MICALL2: variants seen among roughly 807,000 people sequenced by gnomAD.
The protein encoded by MICALL2 is MICAL-like protein 2.
A neutral mutation model predicts 91.1 loss-of-function variants in MICALL2; 111 were observed. The ratio of observed to expected loss-of-function variants is 1.22; its 90% CI spans 1.04 to 1.43. MICALL2 has a LOEUF of 1.43. MICALL2 is among the 40% of genes most tolerant of loss of function. MICALL2 has a pLI of 0.00. For synonymous variants in MICALL2, 694 were observed against 525.3 expected, an observed-to-expected ratio of 1.32 and a Z score of -4.39; for missense variants, 1,556 against 1,236.0, an observed-to-expected ratio of 1.26 and a Z score of -3.88.
At chr7:1,454,176 G>A (rs983711214) in intron 1 of MICALL2, among the ~76,000 whole-genome samples, 70 of 142,638 alleles carry the variant, frequency 4.9e-4, no homozygotes, top group African/African-American at 1.7e-3. Flanking sequence ...TGGGGAGGGC[G>A]GGGGGGTGCA....
chr7:1,456,434 A>G (rs914844128), intron 1 of MICALL2, among the ~76,000 whole-genome samples: 1 of 151,402 alleles, frequency 6.6e-6, no homozygotes, highest in East Asian at 1.9e-4. Context: ...AAAAATATGA[A>G]AATCGGCTGG....
intron 2 of MICALL2, 62 bp from the exon 3 acceptor site, chr7:1,448,823 G>A (rs990351944): frequency 1.3e-5 from 20 of 1,586,084 alleles, no homozygotes; most frequent in African/African-American, 8.1e-5. Flanking sequence ...CCACCAGGCC[G>A]CAGCTCACCT....
intron 6 of MICALL2, among the ~76,000 whole-genome samples, 168 bp from the exon 7 acceptor site, chr7:1,442,652 G>A (rs1355459021): frequency 2.0e-5 from 3 of 146,370 alleles, no homozygotes; most frequent in Admixed American, 1.4e-4. Context: ...ATTGCGCCAG[G>A]CCACCCCTCC....
At chr7:1,439,899 G>C in intron 9 of MICALL2, 26 bp downstream of exon 9, 1 of 1,408,844 alleles carries the variant, frequency 7.1e-7, no homozygotes, top group Non-Finnish European at 9.2e-7. Flanking sequence ...GCAACCCGGG[G>C]GCCCCTGGGT....
At chr7:1,436,552 A>C (rs1487676536) in intron 15 of MICALL2, among the ~76,000 whole-genome samples, 190 bp downstream of exon 15, 1 of 88,750 alleles carries the variant, frequency 1.1e-5, no homozygotes, top group African/African-American at 6.9e-5. Flanking sequence ...ACTCTGTCTC[A>C]AAAAAAAAAA....
chr7:1,443,602 A>T (rs1206632236), intron 6 of MICALL2, among the ~76,000 whole-genome samples: 1 of 152,226 alleles, frequency 6.6e-6, no homozygotes, highest in African/African-American at 2.4e-5. Flanking sequence ...ACCCTAGTCC[A>T]ACAACCATGT....
chr7:1,435,155 G>C lies in MICALL2; in HGVS notation c.2592-8C>G. ...TGATCCTCCTCTTGTTCCCTGAAAC[G>C]GGACCAGATGGCCATGAGCGACAAT... On this transcript the variant is annotated splice_polypyrimidine_tract_variant and splice_region_variant and intron_variant, in intron 15 of 16. Transcript: ENST00000297508. 6.2e-7 allele frequency: 1 copy of C among 1,613,404 alleles called. No homozygotes were observed. Among genetic ancestry groups the C allele is most frequent in the Non-Finnish European group, 8.5e-7 (1 of 1,179,926 alleles).
intron 2 of MICALL2, 91 bp downstream of exon 2, chr7:1,450,149 G>C: frequency 1.0e-6 from 1 of 982,184 alleles, no homozygotes; most frequent in East Asian, 2.4e-5. Context: ...GCAGGTGCAG[G>C]GCCTGGGGGG....
At position 1,440,045 on chromosome 7, in the gene MICALL2, T is replaced by A; in HGVS notation, c.1846A>T (p.Arg616Trp). 1 of 1,583,834 alleles carries A rather than the reference T, an allele frequency of 6.3e-7. No homozygotes were observed. The highest frequency in any genetic ancestry group is 1.2e-5 in the South Asian group (1 of 86,586). ...ACCTTCCTGGGGGCCTCCCCCGCCC[T>A]CGGCTCTGCCAGGGCCCGTGGTTCC... is the stretch of plus-strand genomic sequence containing the variant. ...PKEPRALAEP[R>W]AGEAPRKVSG... Residue 616 changes from arginine (R) to tryptophan (W), a missense_variant, in exon 9 of 17, where the codon AGG becomes TGG. Transcript: ENST00000297508.
Position 1,444,642 on chromosome 7 carries a change from A to G in MICALL2, c.1418+10T>C, listed in dbSNP as rs761821735. The G allele has an allele frequency of 4.4e-6, 7 of 1,605,704 alleles. No individual in the cohort carries two copies. The highest frequency in any genetic ancestry group is 5.9e-6 in the Non-Finnish European group (7 of 1,178,898). Reference sequence around the variant, plus strand: ...CCATACCCGGGGTCCCTCGGTCCCCACGCGCTCACCTGCCAGGCGCCGGAG... The same window carrying G: ...CCATACCCGGGGTCCCTCGGTCCCCGCGCGCTCACCTGCCAGGCGCCGGAG... On this transcript the variant is annotated intron_variant, in intron 6 of 16. Transcript: ENST00000297508.
chr7:1,438,689 C>A, intron 10 of MICALL2, 151 bp downstream of exon 10: 2 of 1,466,770 alleles, frequency 1.4e-6, no homozygotes, highest in South Asian at 2.8e-5. Flanking sequence ...TGAGGGCGGG[C>A]CTGGGGCACG....
At chr7:1,440,536 T>C (rs1374916649) in intron 8 of MICALL2, 55 bp downstream of exon 8, 3 of 1,469,044 alleles carry the variant, frequency 2.0e-6, no homozygotes, top group African/African-American at 2.8e-5. Context: ...ACTCACTGCA[T>C]TTATTAAGCA....
intron 15 of MICALL2, among the ~76,000 whole-genome samples, chr7:1,436,382 C>CA (rs1256308553): frequency 3.1e-4 from 34 of 109,476 alleles, no homozygotes; most frequent in Non-Finnish European, 2.1e-4. Flanking sequence ...AACTTCGTCT[C>CA]AAAAAAAACA....
At chr7:1,439,569 G>A (rs112068143) in intron 9 of MICALL2, 21,982 of 232,438 alleles carry the variant, frequency 0.095, 1,400 homozygotes, top group African/African-American at 0.18. Flanking sequence ...TGCATCACAC[G>A]CATGAACACT....
intron 1 of MICALL2, among the ~76,000 whole-genome samples, chr7:1,457,206 T>C (rs533029942): frequency 2.6e-5 from 4 of 152,214 alleles, no homozygotes; most frequent in Non-Finnish European, 5.9e-5. Context: ...GAACCCCAAC[T>C]GAAAGGCCCT....
Position 1,438,544 on chromosome 7 carries a change from C to CCACCCTG in MICALL2, c.2123-198_2123-192dup, listed in dbSNP as rs900784143. The CCACCCTG allele has an allele frequency of 3.5e-6, 5 of 1,428,908 alleles. No homozygotes were observed. In the African/African-American group the frequency reaches 4.3e-5, roughly 12 times the overall value. 88.5% of individuals were successfully genotyped at this position (1,428,908 alleles called of 1,614,324 possible). Reference sequence around the variant, plus strand: ...ACCTGAGTGGCCTCCAGGCCCAGCCCCACCCTGCACCCTGCCCTCCTCCAG... The same window carrying CCACCCTG: ...ACCTGAGTGGCCTCCAGGCCCAGCCCCACCCTGCACCCTGCACCCTGCCCTCCTCCAG... On this transcript the variant is annotated intron_variant, in intron 10 of 16. Transcript: ENST00000297508.
Position 1,434,444 on chromosome 7 carries a change from G to A in MICALL2, c.*152C>T, listed in dbSNP as rs1262308649. 1 of 723,562 alleles carries A rather than the reference G, an allele frequency of 1.4e-6. No individual in the cohort carries two copies. Among genetic ancestry groups the A allele is most frequent in the East Asian group, 2.7e-5 (1 of 37,268 alleles). The allele number at this position is 723,562 out of a possible 1,614,324, so 44.8% of individuals were successfully genotyped here. A position where few individuals can be genotyped will look rare whatever the true frequency, so the allele number is the denominator to read the frequency against. On this transcript the variant is annotated 3_prime_UTR_variant, in exon 17 of 17. Transcript: ENST00000297508. ...GTCCACATGCCCCTTGTAGGGACAG[G>A]AGGCCCTTCCCGAGTCCAAGTCCGA...
rs375719394 is a variant in MICALL2, at chr7:1,445,399, G to A, written c.671C>T (p.Ser224Leu). 39 of 1,564,774 alleles carry A rather than the reference G, an allele frequency of 2.5e-5. No homozygotes were observed. The highest frequency in any genetic ancestry group is 6.7e-5 in the African/African-American group (5 of 74,182). Residue 224 changes from serine (S) to leucine (L), a missense_variant, in exon 6 of 17, where the codon TCG becomes TTG. Coordinates refer to ENST00000297508, the MANE Select transcript of MICALL2 (RefSeq NM_182924.4). Reference sequence around the variant, plus strand: ...CTCTCCTGTGGCCTTGTAGGCCCCCGAGTGCAGCGTGCAGGAGCACTGCTT... The same window carrying A: ...CTCTCCTGTGGCCTTGTAGGCCCCCAAGTGCAGCGTGCAGGAGCACTGCTT... ...RCKQCSCTLHSGAYKATGEPG... is the reference protein window; with the variant it reads ...RCKQCSCTLHLGAYKATGEPG...
intron 1 of MICALL2, among the ~76,000 whole-genome samples, chr7:1,453,396 G>C (rs1000529572): frequency 6.6e-6 from 1 of 152,132 alleles, no homozygotes; most frequent in Non-Finnish European, 1.5e-5. Flanking sequence ...CCACCCCAGA[G>C]CCAAGGAGAG....
Sources: allele counts gnomAD v4.1 joint callset (sites outside exome capture counted in the v4.1 genomes callset), GRCh38; gene constraint gnomAD v4.1.1; transcripts MANE v1.5; gene names NCBI Gene and HGNC (gene_info 2026-07-23, HGNC 2026-07-21).